Variants in DNAH6 observed in about 807,000 individuals in gnomAD.
DNAH6 encodes the protein axonemal beta dynein heavy chain 6.
A neutral mutation model predicts 491.4 loss-of-function variants in DNAH6; 340 were observed. The observed-to-expected ratio is 0.69, with a 90% CI of 0.63 to 0.76. The LOEUF (loss-of-function observed/expected upper bound fraction) is 0.76. DNAH6 is among the 30% of genes least tolerant of loss of function. The pLI, the probability that DNAH6 is intolerant of heterozygous loss-of-function variation, is 0.00. For missense variants in DNAH6, 4,443 were observed against 4,972.2 expected, an observed-to-expected ratio of 0.89 and a Z score of 3.20; for synonymous variants, 1,603 against 1,686.1, an observed-to-expected ratio of 0.95 and a Z score of 1.21.
chr2:84,659,659 T>C (rs896412478), intron 37 of DNAH6, among the ~76,000 whole-genome samples: 3 of 152,200 alleles, frequency 2.0e-5, no homozygotes, highest in African/African-American at 4.8e-5. Flanking sequence ...TCAGTACTCA[T>C]TGATATTCAA....
chr2:84,817,200 G>C (rs1290182765), intron 76 of DNAH6, among the ~76,000 whole-genome samples: 1 of 150,720 alleles, frequency 6.6e-6, no homozygotes, highest in Non-Finnish European at 1.5e-5. Context: ...AAAAAAAAAT[G>C]CTCAAAATAA....
the DNAH6 span, among the ~76,000 whole-genome samples, chr2:84,483,993 C>A: frequency 1.3e-5 from 2 of 152,162 alleles, no homozygotes; most frequent in Non-Finnish European, 2.9e-5. Flanking sequence ...TAATGGAAAT[C>A]TAGGTTACCC....
the DNAH6 span, among the ~76,000 whole-genome samples, chr2:84,485,452 C>A: frequency 6.6e-6 from 1 of 152,040 alleles, no homozygotes; most frequent in Non-Finnish European, 1.5e-5. Context: ...AATGAAAGAC[C>A]TTATGGGGAC....
intron 63 of DNAH6, 48 bp downstream of exon 63, chr2:84,745,297 A>G: frequency 7.9e-7 from 1 of 1,267,446 alleles, no homozygotes; most frequent in Non-Finnish European, 1.0e-6. Context: ...TATTTCTACT[A>G]AAGCTCACTA....
At chr2:84,782,570 A>G (rs1676793484) in intron 65 of DNAH6, among the ~76,000 whole-genome samples, 1 of 152,068 alleles carries the variant, frequency 6.6e-6, no homozygotes, top group African/African-American at 2.4e-5. Context: ...AAAGCCCTTC[A>G]CTTCCTGGCC....
intron 37 of DNAH6, among the ~76,000 whole-genome samples, chr2:84,660,965 C>A (rs1248280887): frequency 6.6e-6 from 1 of 151,754 alleles, no homozygotes; most frequent in African/African-American, 2.4e-5. Flanking sequence ...AAAAATATAG[C>A]TATAAATTAT....
intron 68 of DNAH6, among the ~76,000 whole-genome samples, chr2:84,794,887 A>T (rs1057242809): frequency 2.6e-5 from 4 of 151,118 alleles, no homozygotes; most frequent in African/African-American, 9.8e-5. Context: ...ACGTATGTTT[A>T]TTGCGGCACT....
chr2:84,604,539 A>G lies in DNAH6; in HGVS notation c.3069A>G (p.Ala1023=), dbSNP rs1249297469. 4 of 1,550,902 alleles carry G rather than the reference A, an allele frequency of 2.6e-6. No individual in the cohort carries two copies. Among genetic ancestry groups the G allele is most frequent in the Non-Finnish European group, 3.5e-6 (4 of 1,146,570 alleles). The change falls in exon 19 of 77, where the codon GCA becomes GCG. Residue 1023 remains alanine, a synonymous_variant. Transcript: ENST00000389394. ...CTTCTGGAGAAGCTGCCTTAGAAGC[A>G]ATTCTTAAAAAGGTAAATCTGGAAT... is the stretch of plus-strand genomic sequence containing the variant. The part of the protein sequence containing the change: ...GQASGEAALE[A]ILKKVEDSWK...
chr2:84,491,822 A>G, the DNAH6 span, among the ~76,000 whole-genome samples: 1 of 152,130 alleles, frequency 6.6e-6, no homozygotes, highest in East Asian at 1.9e-4. Flanking sequence ...TTGTCTGCCT[A>G]TTTTTAAGAC....
Position 84,753,755 on chromosome 2 carries a change from T to TAAAAA in DNAH6, c.10512+8526_10512+8530dup, listed in dbSNP as rs1162541312. 7.8e-4 allele frequency among the ~76,000 whole-genome samples: 60 copies of TAAAAA among 77,112 alleles called. 1 individual carries two copies. Among genetic ancestry groups the TAAAAA allele is most frequent in the African/African-American group, 3.1e-3 (54 of 17,574 alleles). The allele number at this position is 77,112 out of a possible 152,430, so 50.6% of individuals were successfully genotyped here. On this transcript the variant is annotated intron_variant, in intron 63 of 76. Coordinates refer to ENST00000389394, the MANE Select transcript of DNAH6 (RefSeq NM_001370.2). Reference sequence around the variant, plus strand: ...CTGGGCAACAGGAGTGAAACTCTGTTAAAAAAAAAAAAAAAAAAAAAAAAG... The same window carrying TAAAAA: ...CTGGGCAACAGGAGTGAAACTCTGTTAAAAAAAAAAAAAAAAAAAAAAAAAAAAAG...
intron 60 of DNAH6, among the ~76,000 whole-genome samples, chr2:84,723,300 T>C (rs1363163483): frequency 6.6e-6 from 1 of 151,992 alleles, no homozygotes; most frequent in African/African-American, 2.4e-5. Flanking sequence ...GTAGAGTTAG[T>C]GATTATTATA....
intron 49 of DNAH6, among the ~76,000 whole-genome samples, chr2:84,702,779 G>A (rs142775661): frequency 4.1e-4 from 62 of 151,966 alleles, no homozygotes; most frequent in Non-Finnish European, 5.6e-4. Context: ...CTCGTGATCC[G>A]CCCACCTCAG....
At position 84,621,595 on chromosome 2, in the gene DNAH6, C is replaced by G. The variant is rs1558809959; in HGVS notation, c.4071+44C>G. On this transcript the variant is annotated intron_variant, in intron 26 of 76. Coordinates refer to ENST00000389394, the MANE Select transcript of DNAH6 (RefSeq NM_001370.2). ...TGACATTGTTGTCCTGCAAGATGGT[C>G]TTGGTGGGTTTTTTTTTAAAGCACA... The G allele has an allele frequency of 4.8e-6, 6 of 1,246,902 alleles. 1 individual carries two copies. The highest frequency in any genetic ancestry group is 6.6e-6 in the Non-Finnish European group (6 of 905,792). 77.2% of individuals were successfully genotyped at this position (1,246,902 alleles called of 1,614,324 possible).
At position 84,815,986 on chromosome 2, in the gene DNAH6, G is replaced by A. The variant is rs377627098; in HGVS notation, c.12276G>A (p.Val4092=). 88 of 1,551,836 alleles carry A rather than the reference G, an allele frequency of 5.7e-5. No individual in the cohort carries two copies. In the East Asian group the frequency reaches 1.5e-3, roughly 26 times the overall value. ...AGATGAATCCAGTGCTGCCTGTGGT[G>A]CATTTTGAACCACAACAAAACTATA... is the stretch of plus-strand genomic sequence containing the variant. The part of the protein sequence containing the change: ...PGQMNPVLPV[V]HFEPQQNYKP... Residue 4092 remains valine, a synonymous_variant, in exon 76 of 77, where the codon GTG becomes GTA. Coordinates refer to ENST00000389394, the MANE Select transcript of DNAH6 (RefSeq NM_001370.2).
At position 84,815,575 on chromosome 2, in the gene DNAH6, T is replaced by C. The variant is rs542607673; in HGVS notation, c.12151-286T>C. 9.2e-5 allele frequency among the ~76,000 whole-genome samples: 14 copies of C among 152,286 alleles called. 1 individual carries two copies. The South Asian group carries it at 2.1e-3, about 23-fold the overall frequency. Reference sequence around the variant, plus strand: ...AATATTATTGCAGATATATAATCTGTCTTCTAGGAGGGCATCCAAATCCTT... The same window carrying C: ...AATATTATTGCAGATATATAATCTGCCTTCTAGGAGGGCATCCAAATCCTT... On this transcript the variant is annotated intron_variant, in intron 75 of 76. Coordinates refer to ENST00000389394, the MANE Select transcript of DNAH6 (RefSeq NM_001370.2).
At chr2:84,735,758 G>C (rs943150985) in intron 62 of DNAH6, among the ~76,000 whole-genome samples, 14 of 151,964 alleles carry the variant, frequency 9.2e-5, no homozygotes, top group African/African-American at 1.4e-4. Flanking sequence ...GTTCTTTATA[G>C]ATTCTGAATA....
chr2:84,460,503 A>G, the DNAH6 span, among the ~76,000 whole-genome samples: 1 of 152,232 alleles, frequency 6.6e-6, no homozygotes, highest in Non-Finnish European at 1.5e-5. Flanking sequence ...GTTTCATTTA[A>G]TTGATAAAAT....
rs574442973 is a variant in DNAH6 at position 84,712,302 on chromosome 2, G to T, written c.9379-793G>T. 4.6e-5 allele frequency among the ~76,000 whole-genome samples: 7 copies of T among 152,236 alleles called. No homozygotes were observed. In the East Asian group the frequency reaches 1.3e-3, roughly 29 times the overall value. On this transcript the variant is annotated intron_variant, in intron 56 of 76. Coordinates refer to ENST00000389394, the MANE Select transcript of DNAH6 (RefSeq NM_001370.2). ...TTGTTTGAAGAATTTACATGTGTGG[G>T]TACCATGTCACAATGTGGAACAGAT...
the DNAH6 span, among the ~76,000 whole-genome samples, chr2:84,480,988 G>A: frequency 0.079 from 11,944 of 151,624 alleles, 1,090 homozygotes; most frequent in African/African-American, 0.22. Flanking sequence ...AAAAAAAGTC[G>A]TGAGGGCTTA....
Sources: gnomAD v4.1 joint callset for allele counts (sites outside exome capture counted in the v4.1 genomes callset) on GRCh38, gnomAD v4.1.1 for gene constraint, MANE v1.5 for transcripts, NCBI Gene and HGNC (gene_info 2026-07-23, HGNC 2026-07-21) for gene names.